CSMD3: variants seen among roughly 807,000 people sequenced by gnomAD.
CSMD3 encodes the protein CUB and Sushi multiple domains 3.
In CSMD3, 177 loss-of-function variants were observed where a neutral mutation model predicts 435.2. The ratio of observed to expected loss-of-function variants is 0.41; its 90% CI spans 0.36 to 0.46. The LOEUF (loss-of-function observed/expected upper bound fraction) is 0.46. CSMD3 is among the 20% of genes least tolerant of loss of function. The pLI, the probability that CSMD3 is intolerant of heterozygous loss-of-function variation, is 0.34. For synonymous variants in CSMD3, 1,656 were observed against 1,520.5 expected, an observed-to-expected ratio of 1.09 and a Z score of -2.07; for missense variants, 4,265 against 4,504.6, an observed-to-expected ratio of 0.95 and a Z score of 1.52.
At chr8:113,298,150 G>A (rs2093736229) in intron 2 of CSMD3, among the ~76,000 whole-genome samples, 1 of 152,114 alleles carries the variant, frequency 6.6e-6, no homozygotes. Flanking sequence ...TTTTAAATTG[G>A]ATGTGGAAGA....
At chr8:113,255,792 C>T (rs1185222458) in intron 3 of CSMD3, among the ~76,000 whole-genome samples, 1 of 151,720 alleles carries the variant, frequency 6.6e-6, no homozygotes, top group East Asian at 1.9e-4. Flanking sequence ...CTGTTTGTCT[C>T]TAAGTGTATT....
At chr8:113,333,174 T>A (rs916637676) in intron 1 of CSMD3, among the ~76,000 whole-genome samples, 3 of 151,708 alleles carry the variant, frequency 2.0e-5, no homozygotes, top group Non-Finnish European at 3.0e-5. Context: ...ATATTCTAGA[T>A]GCAGGTACTC....
intron 10 of CSMD3, among the ~76,000 whole-genome samples, chr8:112,862,195 C>T (rs778358508): frequency 6.6e-6 from 1 of 151,958 alleles, no homozygotes; most frequent in Non-Finnish European, 1.5e-5. Context: ...TCCATCCAAA[C>T]CTGACAGTAA....
chr8:112,464,228 A>T (rs1817728740), intron 32 of CSMD3, among the ~76,000 whole-genome samples: 1 of 141,704 alleles, frequency 7.1e-6, no homozygotes, highest in Non-Finnish European at 1.5e-5. Context: ...ACAGAGCGAG[A>T]CTCTGTTTCA....
At chr8:112,543,942 A>G (rs1257207628) in intron 27 of CSMD3, among the ~76,000 whole-genome samples, 1 of 152,184 alleles carries the variant, frequency 6.6e-6, no homozygotes. Flanking sequence ...CCTTGAGGAC[A>G]CTATGCTAAA....
chr8:113,028,612 A>C (rs1041000540), intron 5 of CSMD3, among the ~76,000 whole-genome samples: 1 of 151,518 alleles, frequency 6.6e-6, no homozygotes, highest in African/African-American at 2.4e-5. Flanking sequence ...AAGCAAAACA[A>C]TCTTTTTTGC....
At chr8:113,094,354 G>A (rs538037838) in intron 5 of CSMD3, among the ~76,000 whole-genome samples, 1 of 151,986 alleles carries the variant, frequency 6.6e-6, no homozygotes, top group Non-Finnish European at 1.5e-5. Flanking sequence ...TCACCCTTTA[G>A]TTACTGTAAC....
intron 27 of CSMD3, among the ~76,000 whole-genome samples, chr8:112,533,242 G>A (rs756005213): frequency 6.6e-6 from 1 of 151,814 alleles, no homozygotes; most frequent in Non-Finnish European, 1.5e-5. Context: ...AGAAAAAAAA[G>A]TAACAAAATG....
chr8:113,133,466 T>C (rs2091336932), intron 4 of CSMD3, among the ~76,000 whole-genome samples: 1 of 152,100 alleles, frequency 6.6e-6, no homozygotes. Flanking sequence ...ATCAGAACCC[T>C]GTGCCAGTCG....
chr8:112,587,311 G>C (rs2131355280), intron 22 of CSMD3, 76 bp from the exon 23 acceptor site: 1 of 1,079,160 alleles, frequency 9.3e-7, no homozygotes, highest in Non-Finnish European at 1.4e-6. Flanking sequence ...ATGTATGGAA[G>C]TGTTATGCAT....
intron 32 of CSMD3, among the ~76,000 whole-genome samples, chr8:112,456,195 A>C (rs1492661): frequency 0.43 from 64,886 of 151,956 alleles, 14,833 homozygotes; most frequent in Middle Eastern, 0.6. Flanking sequence ...AAAATATCTA[A>C]TTATATGCTT....
intron 5 of CSMD3, among the ~76,000 whole-genome samples, chr8:113,094,998 C>A (rs954059965): frequency 1.3e-5 from 2 of 151,602 alleles, no homozygotes; most frequent in African/African-American, 4.8e-5. Flanking sequence ...TCAAACCCTG[C>A]AAGCAGAGGT....
intron 38 of CSMD3, among the ~76,000 whole-genome samples, chr8:112,376,590 G>C (rs1828962376): frequency 1.3e-5 from 2 of 152,024 alleles, no homozygotes; most frequent in African/African-American, 2.4e-5. Flanking sequence ...ATGAGGTGAT[G>C]TTGAGGAGCT....
rs191124475 is a variant in CSMD3, at chr8:112,528,815, C to T, written c.4565-11590G>A. Among the ~76,000 whole-genome samples the T allele has an allele frequency of 3.6e-3, 544 of 152,178 alleles. 1 individual carries two copies. The highest frequency in any genetic ancestry group is 0.013 in the African/African-American group (522 of 41,534). ...ATCAGGAAGCGATTCACTCCTAGCT[C>T]CCAGCTTCTCCCAGAGGAGAAAGGC... On this transcript the variant is annotated intron_variant, in intron 27 of 70. Transcript: ENST00000297405.
chr8:112,728,671 A>C (rs1563901637), intron 13 of CSMD3, among the ~76,000 whole-genome samples: 1 of 151,970 alleles, frequency 6.6e-6, no homozygotes, highest in African/African-American at 2.4e-5. Flanking sequence ...CTGTAACTTC[A>C]AGAAGGAATA....
At position 113,200,100 on chromosome 8, in the gene CSMD3, T is replaced by C. The variant is rs547491705; in HGVS notation, c.515-26184A>G. Among the ~76,000 whole-genome samples, 10 of 151,986 alleles carry C rather than the reference T, an allele frequency of 6.6e-5. No individual in the cohort carries two copies. The South Asian group carries it at 2.1e-3, about 31-fold the overall frequency. On this transcript the variant is annotated intron_variant, in intron 3 of 70. Transcript: ENST00000297405. ...ACGTATCCAAAATGGGCTTCATGCT[T>C]TTCTTCCCAGTTTTTGCCATCTTAA...
At chr8:112,725,758 G>A (rs1374645922) in intron 13 of CSMD3, among the ~76,000 whole-genome samples, 8 of 151,732 alleles carry the variant, frequency 5.3e-5, no homozygotes, top group African/African-American at 9.7e-5. Context: ...TGACTCAAAC[G>A]GAAGTTATGA....
chr8:112,573,131 C>A (rs1367662419), intron 24 of CSMD3, among the ~76,000 whole-genome samples: 1 of 152,086 alleles, frequency 6.6e-6, no homozygotes, highest in Non-Finnish European at 1.5e-5. Flanking sequence ...CAATAATAAT[C>A]ATTGCATCTT....
At chr8:112,492,976 A>G (rs749342408) in intron 30 of CSMD3, among the ~76,000 whole-genome samples, 3 of 152,144 alleles carry the variant, frequency 2.0e-5, no homozygotes, top group African/African-American at 7.2e-5. Flanking sequence ...GAATGTTAGT[A>G]TCAGAAGGTT....
Sources: gnomAD v4.1 joint callset for allele counts (sites outside exome capture counted in the v4.1 genomes callset) on GRCh38, gnomAD v4.1.1 for gene constraint, MANE v1.5 for transcripts, NCBI Gene and HGNC (gene_info 2026-07-23, HGNC 2026-07-21) for gene names.